Variants in SLC8A1 observed in about 807,000 individuals in gnomAD.
SLC8A1 encodes sodium/calcium exchanger 1.
A neutral mutation model predicts 68.3 loss-of-function variants in SLC8A1; 18 were observed. The ratio of observed to expected loss-of-function variants is 0.26; its 90% CI spans 0.18 to 0.39. The LOEUF is 0.39. Among genes scored for constraint, SLC8A1 ranks in the 10% least tolerant of loss-of-function variants. The pLI is 1.00. For synonymous variants in SLC8A1, 475 were observed against 415.5 expected (o/e 1.14, Z -1.74); for missense variants, 985 against 1,156.7 (o/e 0.85, Z 2.15).
chr2:40,218,300 C>T (rs1277561065), intron 2 of SLC8A1, among the ~76,000 whole-genome samples: 1 of 152,078 alleles, frequency 6.6e-6, no homozygotes, highest in Non-Finnish European at 1.5e-5. Flanking sequence ...TTACAAATTG[C>T]ATGTAATTAC....
chr2:40,139,318 C>G, intron 7 of SLC8A1, 83 bp downstream of exon 10: 1 of 1,491,700 alleles, frequency 6.7e-7, no homozygotes, highest in Non-Finnish European at 9.2e-7. Flanking sequence ...TTATCACAGC[C>G]CTTGAAATTG....
At chr2:40,337,956 G>A (rs1053801260) in intron 2 of SLC8A1, among the ~76,000 whole-genome samples, 2 of 152,170 alleles carry the variant, frequency 1.3e-5, no homozygotes, top group African/African-American at 4.8e-5. Flanking sequence ...ATAGAGGAAA[G>A]GGTGTTGAGG....
In SLC8A1 at chr2:40,250,001, G is replaced by A. The variant is rs116522925; in HGVS notation, c.1809-72146C>T. ...TCTAGGTCTATACTCAAAACCTTCC[G>A]GGTGTATGTATGTGTGAGATATTTT... On this transcript the variant is annotated intron_variant, in intron 2 of 7. Coordinates refer to ENST00000406785, the Ensembl canonical transcript of SLC8A1. 9.1e-3 allele frequency among the ~76,000 whole-genome samples: 1,379 copies of A among 152,204 alleles called. 26 individuals carry two copies. The highest frequency in any genetic ancestry group is 0.031 in the African/African-American group (1,287 of 41,532).
intron 2 of SLC8A1, among the ~76,000 whole-genome samples, chr2:40,301,166 C>T (rs569688192): frequency 1.3e-5 from 2 of 152,156 alleles, no homozygotes; most frequent in East Asian, 1.9e-4. Context: ...GTGATAATAA[C>T]CTTCATTCAC....
At position 40,334,308 on chromosome 2, in the gene SLC8A1, T is replaced by C. The variant is rs1665236784; in HGVS notation, c.1808+94165A>G. ...TGTACTGAATATTGTATTAGGCTTT[T>C]GATGACTTTTAGCCCAGTCAAATAC... On this transcript the variant is annotated intron_variant, in intron 2 of 7. Transcript: ENST00000406785. 2.0e-5 allele frequency among the ~76,000 whole-genome samples: 3 copies of C among 152,192 alleles called. No homozygotes were observed. In the South Asian group the frequency reaches 6.2e-4, roughly 31 times the overall value.
chr2:40,293,261 G>C (rs1257288065), intron 2 of SLC8A1, among the ~76,000 whole-genome samples: 4 of 152,130 alleles, frequency 2.6e-5, no homozygotes, highest in African/African-American at 9.7e-5. Context: ...AGGCATGAAA[G>C]CCTCACAAAG....
intron 2 of SLC8A1, among the ~76,000 whole-genome samples, chr2:40,288,798 A>G (rs2068752565): frequency 6.6e-6 from 1 of 150,562 alleles, no homozygotes; most frequent in African/African-American, 2.5e-5. Context: ...GAATCTTAAA[A>G]AATACTTTAC....
chr2:40,221,709 A>C (rs2058352927), intron 2 of SLC8A1, among the ~76,000 whole-genome samples: 1 of 152,238 alleles, frequency 6.6e-6, no homozygotes, highest in Non-Finnish European at 1.5e-5. Flanking sequence ...CAAAAATCAC[A>C]AGTCTTCCTA....
In SLC8A1 at chr2:40,415,390, G is replaced by A. The variant is rs1015418121; in HGVS notation, c.1808+13083C>T. ...CACCTGTAACTACAATTTTCCTGAA[G>A]ACATAGAAGAAAAATCAATTGTTCT... On this transcript the variant is annotated intron_variant, in intron 2 of 7. Transcript: ENST00000406785. Among the ~76,000 whole-genome samples the A allele has an allele frequency of 1.4e-4, 20 of 146,798 alleles. 1 individual carries two copies. The highest frequency in any genetic ancestry group is 8.6e-4 in the South Asian group (4 of 4,626).
chr2:40,305,012 G>A (rs1471405779), intron 2 of SLC8A1, among the ~76,000 whole-genome samples: 1 of 152,160 alleles, frequency 6.6e-6, no homozygotes, highest in Non-Finnish European at 1.5e-5. Flanking sequence ...TTAAAATGAG[G>A]ATTCTGACTC....
chr2:40,435,326 G>C lies in SLC8A1; in HGVS notation c.-24-5022C>G, dbSNP rs146767693. 1.7e-3 allele frequency among the ~76,000 whole-genome samples: 264 copies of C among 152,190 alleles called. 1 individual carries two copies. The highest frequency in any genetic ancestry group is 6.0e-3 in the African/African-American group (251 of 41,522). On this transcript the variant is annotated intron_variant, in intron 1 of 7. Transcript: ENST00000406785. ...AAAGAGATGATGCCAGAGGATGAAG[G>C]CTTTTCTCATCTGACCATCTCACCT...
intron 7 of SLC8A1, among the ~76,000 whole-genome samples, chr2:40,128,993 G>A (rs536583886): frequency 6.6e-6 from 1 of 152,160 alleles, no homozygotes; most frequent in South Asian, 2.1e-4. Flanking sequence ...GTGGAGATGA[G>A]GATTATCTGT....
At chr2:40,343,455 C>T (rs533607725) in intron 2 of SLC8A1, among the ~76,000 whole-genome samples, 1 of 152,110 alleles carries the variant, frequency 6.6e-6, no homozygotes, top group Non-Finnish European at 1.5e-5. Context: ...GCTAACATCA[C>T]AAATTACCCT....
chr2:40,401,660 G>A (rs112077129), intron 2 of SLC8A1, among the ~76,000 whole-genome samples: 1 of 125,776 alleles, frequency 8.0e-6, no homozygotes, highest in African/African-American at 3.2e-5. Context: ...AAAAAAAAAA[G>A]TTCCCCAAAG....
intron 2 of SLC8A1, among the ~76,000 whole-genome samples, chr2:40,225,376 C>A (rs1171941243): frequency 1.3e-5 from 2 of 152,106 alleles, no homozygotes; most frequent in Non-Finnish European, 2.9e-5. Context: ...TAGTATTTGG[C>A]ACACAGTGGG....
At chr2:40,300,720 C>G (rs2071298769) in intron 2 of SLC8A1, among the ~76,000 whole-genome samples, 1 of 152,058 alleles carries the variant, frequency 6.6e-6, no homozygotes, top group African/African-American at 2.4e-5. Context: ...ACAAGCCTCT[C>G]CAGGAGCAAA....
At chr2:40,208,255 T>G (rs1016432833) in intron 2 of SLC8A1, 1 of 152,156 alleles carries the variant, frequency 6.6e-6, no homozygotes, top group African/African-American at 2.4e-5. Flanking sequence ...TAGTTCCAGC[T>G]CTCTTTCCAT....
At chr2:40,221,980 A>G (rs1233292502) in intron 2 of SLC8A1, among the ~76,000 whole-genome samples, 1 of 152,180 alleles carries the variant, frequency 6.6e-6, no homozygotes, top group Non-Finnish European at 1.5e-5. Context: ...ATCCCCATCA[A>G]GCTACCATTG....
chr2:40,333,049 A>T (rs2076579852), intron 2 of SLC8A1, among the ~76,000 whole-genome samples: 1 of 152,214 alleles, frequency 6.6e-6, no homozygotes, highest in Non-Finnish European at 1.5e-5. Flanking sequence ...TTATGTTAGA[A>T]TTTTAGAGCT....
Sources: allele counts gnomAD v4.1 joint callset (sites outside exome capture counted in the v4.1 genomes callset), GRCh38; gene constraint gnomAD v4.1.1; transcripts MANE v1.5; gene names NCBI Gene and HGNC (gene_info 2026-07-23, HGNC 2026-07-21).